The following PCDHA13 variants were observed in gnomAD, a reference collection of about 807,000 sequenced individuals.
PCDHA13 encodes protocadherin alpha-13.
A neutral mutation model predicts 64.8 loss-of-function variants in PCDHA13; 54 were observed. The ratio of observed to expected loss-of-function variants is 0.83; its 90% CI spans 0.67 to 1.04. The LOEUF (loss-of-function observed/expected upper bound fraction) is 1.04, where lower values mean the gene tolerates loss of function less well. Ranked by LOEUF, PCDHA13 falls within the 50% of genes least tolerant of loss-of-function variation. PCDHA13 has a pLI of 0.00. For missense variants in PCDHA13, 1,248 were observed against 1,254.3 expected (o/e 0.99, Z 0.08); for synonymous variants, 587 against 564.4 (o/e 1.04, Z -0.57).
intron 1 of PCDHA13, among the ~76,000 whole-genome samples, chr5:140,945,724 A>G (rs569323682): frequency 4.6e-5 from 7 of 152,272 alleles, no homozygotes; most frequent in South Asian, 2.1e-4. Flanking sequence ...AAGAATATAC[A>G]ATGGAAAAAG....
At chr5:141,000,415 ATATATATTTTTT>A (rs1251582263) in intron 3 of PCDHA13, among the ~76,000 whole-genome samples, 1 of 87,388 alleles carries the variant, frequency 1.1e-5, no homozygotes, top group East Asian at 3.4e-4. Context: ...ATATATATAT[ATATATATTTTTT>A]TTTTTTTTTT....
At chr5:140,986,141 G>C (rs1473474920) in intron 3 of PCDHA13, among the ~76,000 whole-genome samples, 2 of 152,138 alleles carry the variant, frequency 1.3e-5, no homozygotes, top group African/African-American at 2.4e-5. Context: ...ATCAACAAGG[G>C]CATCACCAAG....
At position 141,009,660 on chromosome 5, in the gene PCDHA13, G is replaced by C; in HGVS notation, c.2576G>C (p.Gly859Ala). 7 of 1,614,084 alleles carry C rather than the reference G, an allele frequency of 4.3e-6. No homozygotes were observed. Among genetic ancestry groups the C allele is most frequent in the Non-Finnish European group, 5.9e-6 (7 of 1,180,030 alleles). Residue 859 changes from glycine (G) to alanine (A), a missense_variant, in exon 4 of 4, where the codon GGT becomes GCT. Physicochemically the swap from Gly to Ala is moderately conservative, Grantham distance 60 (BLOSUM62 0). Coordinates refer to ENST00000289272, the MANE Select transcript of PCDHA13 (RefSeq NM_018904.3). ...PEAGEVSPPV[G>A]AGVNSNSWTF... ...GCAGGAGAAGTGTCCCCTCCAGTCGGTGCGGGTGTCAACAGCAACAGCTGG... is the reference window on the plus strand; with the variant it reads ...GCAGGAGAAGTGTCCCCTCCAGTCGCTGCGGGTGTCAACAGCAACAGCTGG...
chr5:140,998,158 T>C (rs1306702034), intron 3 of PCDHA13, among the ~76,000 whole-genome samples: 1 of 152,232 alleles, frequency 6.6e-6, no homozygotes, highest in Non-Finnish European at 1.5e-5. Context: ...AGTTAAGCCA[T>C]GTGCCAAGTA....
intron 3 of PCDHA13, among the ~76,000 whole-genome samples, chr5:141,001,563 C>A (rs531745574): frequency 6.6e-6 from 1 of 152,296 alleles, no homozygotes; most frequent in South Asian, 2.1e-4. Context: ...GACCACGATT[C>A]TCCTGTGTTT....
chr5:140,980,724 T>G (rs2096903192), intron 2 of PCDHA13, among the ~76,000 whole-genome samples: 1 of 152,176 alleles, frequency 6.6e-6, no homozygotes, highest in Non-Finnish European at 1.5e-5. Flanking sequence ...GGGTTTCAAT[T>G]AAGATATTAT....
At chr5:140,997,091 G>A (rs73268064) in intron 3 of PCDHA13, among the ~76,000 whole-genome samples, 546 of 152,154 alleles carry the variant, frequency 3.6e-3, no homozygotes, top group Middle Eastern at 0.014. Flanking sequence ...AGAAAGTGCA[G>A]AGTTCTCATG....
At chr5:140,953,932 C>T (rs1005245846) in intron 1 of PCDHA13, among the ~76,000 whole-genome samples, 1 of 152,060 alleles carries the variant, frequency 6.6e-6, no homozygotes, top group Admixed American at 6.6e-5. Flanking sequence ...CTGATGCTCT[C>T]CCTCCCATTG....
intron 1 of PCDHA13, chr5:140,967,313 C>T: frequency 6.2e-7 from 1 of 1,611,052 alleles, no homozygotes; most frequent in Non-Finnish European, 8.5e-7. Flanking sequence ...CAACTCAGTA[C>T]AGACCTACGA....
At chr5:140,902,103 A>AT (rs1435105079) in intron 1 of PCDHA13, among the ~76,000 whole-genome samples, 1 of 151,172 alleles carries the variant, frequency 6.6e-6, no homozygotes, top group Non-Finnish European at 1.5e-5. Context: ...GAGTCTTTAG[A>AT]TTTTTTTAAA....
chr5:140,986,366 G>A (rs149115330), intron 3 of PCDHA13, among the ~76,000 whole-genome samples: 226 of 152,252 alleles, frequency 1.5e-3, no homozygotes, highest in African/African-American at 5.1e-3. Context: ...GGAGGAATGC[G>A]TTTTGGGGGG....
rs142842369 is a variant in PCDHA13, at chr5:140,884,425, T to G, written c.2157T>G (p.Thr719=). ...TGGTGCTCACGTTGCTGCTGTATAC[T>G]GCGCTGCGGTGCTCGGCACCGCCCA... ...SLLVLTLLLY[T]ALRCSAPPTE... The change falls in exon 1 of 4, where the codon ACT becomes ACG. Residue 719 remains threonine (T), a synonymous_variant. Coordinates refer to ENST00000289272, the MANE Select transcript of PCDHA13 (RefSeq NM_018904.3). 1.3e-3 allele frequency: 2,026 copies of G among 1,613,950 alleles called. 4 individuals carry two copies. Among genetic ancestry groups the G allele is most frequent in the Admixed American group, 3.6e-3 (219 of 60,032 alleles).
At chr5:140,921,726 A>C (rs1278671755) in intron 1 of PCDHA13, among the ~76,000 whole-genome samples, 1 of 152,170 alleles carries the variant, frequency 6.6e-6, no homozygotes, top group East Asian at 1.9e-4. Flanking sequence ...AATTACTCCC[A>C]TAAAAATTAT....
intron 1 of PCDHA13, among the ~76,000 whole-genome samples, chr5:140,945,559 A>T (rs1365534966): frequency 6.6e-6 from 1 of 152,096 alleles, no homozygotes; most frequent in Non-Finnish European, 1.5e-5. Flanking sequence ...GAAGCTGAAG[A>T]CATCATACTA....
chr5:140,882,823 T>C lies in PCDHA13; in HGVS notation c.555T>C (p.Ser185=), dbSNP rs2059326985. 6.2e-7 allele frequency: 1 copy of C among 1,614,160 alleles called. No homozygotes were observed. The highest frequency in any genetic ancestry group is 8.5e-7 in the Non-Finnish European group (1 of 1,180,028). The part of the protein sequence containing the change: ...NDYFTLDAQN[S]LEQMSSLSLV... ...ATTTCACTTTGGACGCACAAAACAGTCTTGAGCAAATGTCTTCATTATCAC... is the reference window on the plus strand; with the variant it reads ...ATTTCACTTTGGACGCACAAAACAGCCTTGAGCAAATGTCTTCATTATCAC... Residue 185 remains serine (S), a synonymous_variant, in exon 1 of 4, where the codon AGT becomes AGC. Transcript: ENST00000289272.
At chr5:140,997,884 C>G (rs2097789340) in intron 3 of PCDHA13, among the ~76,000 whole-genome samples, 1 of 152,076 alleles carries the variant, frequency 6.6e-6, no homozygotes, top group African/African-American at 2.4e-5. Context: ...AGTATTTATA[C>G]AGGATAAATT....
intron 1 of PCDHA13, chr5:140,966,328 CG>C: frequency 2.5e-6 from 1 of 392,484 alleles, no homozygotes; most frequent in Non-Finnish European, 4.5e-6. Flanking sequence ...CGCTGGGATC[CG>C]GCAGGTCCAG....
intron 1 of PCDHA13, among the ~76,000 whole-genome samples, chr5:140,892,696 C>T (rs1005435710): frequency 4.6e-5 from 7 of 152,098 alleles, no homozygotes; most frequent in Admixed American, 6.6e-5. Context: ...ATAATAAAAT[C>T]AGGGTAATTA....
In PCDHA13 at chr5:140,883,969, G is replaced by C; in HGVS notation, c.1701G>C (p.Thr567=). 6.2e-7 allele frequency: 1 copy of C among 1,612,962 alleles called. No homozygotes were observed. Among genetic ancestry groups the C allele is most frequent in the Non-Finnish European group, 8.5e-7 (1 of 1,179,690 alleles). ...ACGACAACGCTCCGGCGCTGCTGACGCCCGGGGCTGGCAGCGCGGGAGGCA... is the reference window on the plus strand; with the variant it reads ...ACGACAACGCTCCGGCGCTGCTGACCCCCGGGGCTGGCAGCGCGGGAGGCA... ...DENDNAPALL[T]PGAGSAGGTV... is the part of the protein sequence containing the mutation. The change falls in exon 1 of 4, where the codon ACG becomes ACC. Residue 567 remains threonine (T), a synonymous_variant. Transcript: ENST00000289272.
Sources: gnomAD v4.1 joint callset for allele counts (sites outside exome capture counted in the v4.1 genomes callset) on GRCh38, gnomAD v4.1.1 for gene constraint, MANE v1.5 for transcripts, NCBI Gene and HGNC (gene_info 2026-07-23, HGNC 2026-07-21) for gene names.